The following KATNAL1 variants were observed in gnomAD, a reference collection of about 807,000 sequenced individuals.
The protein encoded by KATNAL1 is katanin catalytic subunit A1 like 1.
In KATNAL1, 32 loss-of-function variants were observed where a neutral mutation model predicts 55.2. The observed-to-expected ratio is 0.58, with a 90% CI of 0.44 to 0.78. The LOEUF (loss-of-function observed/expected upper bound fraction) is 0.78, where lower values mean the gene tolerates loss of function less well. Among genes scored for constraint, KATNAL1 ranks in the 30% least tolerant of loss-of-function variants. KATNAL1 has a pLI of 0.00. For synonymous variants in KATNAL1, 193 were observed against 193.6 expected, an observed-to-expected ratio of 1.00 and a Z score of 0.02; for missense variants, 466 against 600.9, an observed-to-expected ratio of 0.78 and a Z score of 2.35.
In KATNAL1 at chr13:30,266,980, G is replaced by A. The variant is rs542231319; in HGVS notation, c.324-11365C>T. On this transcript the variant is annotated intron_variant, in intron 3 of 10. Transcript: ENST00000380615. ...TTGAGTGGATTCTTGTCAGTGTTTCGGATGAGCCATACTAAATCTTATTTA... is the reference window on the plus strand; with the variant it reads ...TTGAGTGGATTCTTGTCAGTGTTTCAGATGAGCCATACTAAATCTTATTTA... Among the ~76,000 whole-genome samples, 6 of 152,178 alleles carry A rather than the reference G, an allele frequency of 3.9e-5. No homozygotes were observed. In the South Asian group the frequency reaches 6.2e-4, roughly 16 times the overall value.
At chr13:30,279,813 T>C (rs1881138699) in intron 3 of KATNAL1, among the ~76,000 whole-genome samples, 3 of 152,222 alleles carry the variant, frequency 2.0e-5, no homozygotes, top group Admixed American at 6.5e-5. Flanking sequence ...AACTGATAAA[T>C]TTTAGGACTA....
chr13:30,227,470 G>T lies in KATNAL1; in HGVS notation c.1089C>A (p.Asp363Glu). 1 of 1,613,486 alleles carries T rather than the reference G, an allele frequency of 6.2e-7. No individual in the cohort carries two copies. The highest frequency in any genetic ancestry group is 8.5e-7 in the Non-Finnish European group (1 of 1,179,458). Residue 363 changes from aspartate to glutamate, a missense_variant, in exon 9 of 11, where the codon GAC (aspartate) becomes GAA (glutamate). Transcript: ENST00000380615. The stretch of plus-strand genomic sequence containing the variant: ...ACCTTCTTCGCAAAGCTTCATCAAT[G>T]TCCCACGGGAAATTAGTAGCAGCCA... Reference protein sequence around the residue: ...MVLAATNFPWDIDEALRRRLE... With the variant: ...MVLAATNFPWEIDEALRRRLE...
chr13:30,296,763 C>T (rs943296551), intron 1 of KATNAL1: 4 of 479,434 alleles, frequency 8.3e-6, no homozygotes, highest in Non-Finnish European at 1.2e-5. Flanking sequence ...GAGCTTGTGC[C>T]CCTACCTAGG....
intron 3 of KATNAL1, among the ~76,000 whole-genome samples, chr13:30,277,961 G>A (rs1293736049): frequency 1.6e-5 from 2 of 127,428 alleles, no homozygotes; most frequent in Non-Finnish European, 3.2e-5. Flanking sequence ...CCAGCCTGGG[G>A]GACAGAGCGA....
At position 30,265,701 on chromosome 13, in the gene KATNAL1, A is replaced by ATT. The variant is rs796445869; in HGVS notation, c.324-10088_324-10087dup. Among the ~76,000 whole-genome samples, 7 of 143,676 alleles carry ATT rather than the reference A, an allele frequency of 4.9e-5. No homozygotes were observed. The East Asian group carries it at 6.1e-4, about 13-fold the overall frequency. 94.3% of individuals were successfully genotyped at this position (143,676 alleles called of 152,430 possible). A position where few individuals can be genotyped will look rare whatever the true frequency, so the allele number is the denominator to read the frequency against. ...AGATTTTAGAAGTCCCTTTTAAGAGATTTTTTTTTTTTTTAAATCAGTCTC... is the reference window on the plus strand; with the variant it reads ...AGATTTTAGAAGTCCCTTTTAAGAGATTTTTTTTTTTTTTTTAAATCAGTCTC... On this transcript the variant is annotated intron_variant, in intron 3 of 10. Transcript: ENST00000380615.
intron 4 of KATNAL1, among the ~76,000 whole-genome samples, chr13:30,243,104 T>C (rs1042581021): frequency 3.9e-5 from 6 of 152,220 alleles, no homozygotes; most frequent in African/African-American, 1.4e-4. Context: ...TTTCCTTAGA[T>C]TTTCATATGA....
intron 3 of KATNAL1, among the ~76,000 whole-genome samples, chr13:30,264,525 A>T (rs1287754307): frequency 6.6e-6 from 1 of 151,128 alleles, no homozygotes; most frequent in Non-Finnish European, 1.5e-5. Context: ...CAAATTTACA[A>T]GAAAAAAACA....
chr13:30,281,166 T>C lies in KATNAL1; in HGVS notation c.163-943A>G, dbSNP rs541974599. Among the ~76,000 whole-genome samples, 324 of 131,126 alleles carry C rather than the reference T, an allele frequency of 2.5e-3. 3 individuals carry two copies. Among genetic ancestry groups the C allele is most frequent in the Non-Finnish European group, 4.2e-3 (270 of 64,080 alleles). The allele number at this position is 131,126 out of a possible 152,430, so 86.0% of individuals were successfully genotyped here. A position where few individuals can be genotyped will look rare whatever the true frequency, so the allele number is the denominator to read the frequency against. On this transcript the variant is annotated intron_variant, in intron 2 of 10. Transcript: ENST00000380615. Reference sequence around the variant, plus strand: ...AAGAAAAGAAAATTACAATTATAAATTCATTTTAACAATTCTTTTTTTTTT... The same window carrying C: ...AAGAAAAGAAAATTACAATTATAAACTCATTTTAACAATTCTTTTTTTTTT...
intron 9 of KATNAL1, among the ~76,000 whole-genome samples, chr13:30,223,621 A>G (rs7987688): frequency 0.16 from 25,005 of 152,172 alleles, 2,410 homozygotes; most frequent in East Asian, 0.34. Flanking sequence ...ATACAGAGGC[A>G]TTGCATAATG....
In KATNAL1 at chr13:30,223,000, C is replaced by CA. The variant is rs200901646; in HGVS notation, c.1147+4411dup. Reference sequence around the variant, plus strand: ...GTCCCAGCTACTCAGGAGGCTGAGGCAGCAGAATCACTTGAACCTGGGAGG... The same window carrying CA: ...GTCCCAGCTACTCAGGAGGCTGAGGCAAGCAGAATCACTTGAACCTGGGAGG... On this transcript the variant is annotated intron_variant, in intron 9 of 10. Coordinates refer to ENST00000380615, the MANE Select transcript of KATNAL1 (RefSeq NM_032116.5). 9.2e-3 allele frequency among the ~76,000 whole-genome samples: 1,403 copies of CA among 151,934 alleles called. 43 individuals are homozygous for CA. Among genetic ancestry groups the CA allele is most frequent in the African/African-American group, 0.033 (1,342 of 41,248 alleles).
intron 3 of KATNAL1, among the ~76,000 whole-genome samples, chr13:30,266,012 CAAAAAAAA>C (rs776557665): frequency 1.1e-4 from 4 of 35,360 alleles, no homozygotes; most frequent in Non-Finnish European, 2.0e-4. Flanking sequence ...AACTCCATCT[CAAAAAAAA>C]AAAAAAAAAA....
At chr13:30,264,590 G>A (rs1425306070) in intron 3 of KATNAL1, among the ~76,000 whole-genome samples, 1 of 150,812 alleles carries the variant, frequency 6.6e-6, no homozygotes, top group Non-Finnish European at 1.5e-5. Context: ...CTCAAAAGAA[G>A]ACATTTATGC....
chr13:30,283,617 T>C lies in KATNAL1; in HGVS notation c.161A>G (p.Gln54Arg), dbSNP rs1881569527. The C allele has an allele frequency of 6.2e-7, 1 of 1,613,604 alleles. No individual in the cohort carries two copies. Among genetic ancestry groups the C allele is most frequent in the African/African-American group, 1.3e-5 (1 of 74,920 alleles). The change falls in exon 2 of 11, where the codon CAG (glutamine) becomes CGG (arginine). Residue 54 changes from glutamine (Q) to arginine (R), a missense_variant and splice_region_variant. Transcript: ENST00000380615. ...RDPAIKGKWQQVRQELLEEYE... is the reference protein window; with the variant it reads ...RDPAIKGKWQRVRQELLEEYE... ...TCTAATACTTTAATACCATCTTACC[T>C]GTTGCCATTTGCCTTTGATAGCTGG...
chr13:30,240,901 G>C, intron 5 of KATNAL1, 58 bp downstream of exon 5: 1 of 1,504,876 alleles, frequency 6.6e-7, no homozygotes, highest in Non-Finnish European at 9.1e-7. Context: ...CACACACCAA[G>C]ACAACCTATA....
chr13:30,248,506 G>C (rs995376957), intron 4 of KATNAL1, among the ~76,000 whole-genome samples: 3 of 152,114 alleles, frequency 2.0e-5, no homozygotes, highest in African/African-American at 7.2e-5. Flanking sequence ...TTAAAAACAA[G>C]TCATGATGAT....
chr13:30,271,466 G>A (rs528689310), intron 3 of KATNAL1, among the ~76,000 whole-genome samples: 1 of 152,262 alleles, frequency 6.6e-6, no homozygotes, highest in Non-Finnish European at 1.5e-5. Context: ...AGGTGAAGGG[G>A]AAGAAGACAC....
intron 1 of KATNAL1, among the ~76,000 whole-genome samples, chr13:30,302,821 A>G (rs1247382806): frequency 6.6e-6 from 1 of 152,208 alleles, no homozygotes; most frequent in Non-Finnish European, 1.5e-5. Context: ...TGTTTGACAT[A>G]AAGACACACA....
intron 6 of KATNAL1, among the ~76,000 whole-genome samples, chr13:30,239,215 A>C (rs1403100657): frequency 6.6e-6 from 1 of 152,088 alleles, no homozygotes; most frequent in East Asian, 1.9e-4. Context: ...TTCAAGACCA[A>C]CCTGGCCAAC....
rs959413988 is a variant in KATNAL1, at chr13:30,269,897, G to C, written c.323+10166C>G. ...GCCCGGCAGCCACCCCGTCCAGGAGGGGGGGGTCAGCCCCCTGCCCGGCCA... is the reference window on the plus strand; with the variant it reads ...GCCCGGCAGCCACCCCGTCCAGGAGCGGGGGGTCAGCCCCCTGCCCGGCCA... On this transcript the variant is annotated intron_variant, in intron 3 of 10. Transcript: ENST00000380615. Among the ~76,000 whole-genome samples the C allele has an allele frequency of 1.3e-4, 19 of 151,214 alleles. No homozygotes were observed. In the East Asian group the frequency reaches 1.4e-3, roughly 11 times the overall value.
Sources: allele counts gnomAD v4.1 joint callset (sites outside exome capture counted in the v4.1 genomes callset), GRCh38; gene constraint gnomAD v4.1.1; transcripts MANE v1.5; gene names NCBI Gene and HGNC (gene_info 2026-07-23, HGNC 2026-07-21).